The following DMD variants were observed in gnomAD, a reference collection of about 807,000 sequenced individuals.
DMD encodes the protein mutant dystrophin.
Under a neutral mutation model 330.1 loss-of-function variants are expected in DMD, and 63 were observed. The ratio of observed to expected loss-of-function variants is 0.19; its 90% CI spans 0.16 to 0.24. The LOEUF (loss-of-function observed/expected upper bound fraction) is 0.24. DMD is among the 10% of genes least tolerant of loss of function. The pLI is 1.00. For missense variants in DMD, 3,344 were observed against 2,684.1 expected (o/e 1.25, Z -5.43); for synonymous variants, 1,223 against 959.8 (o/e 1.27, Z -5.07).
intron 44 of DMD, among the ~76,000 whole-genome samples, chrX:32,156,039 T>C (rs1488709012): frequency 1.8e-5 from 2 of 109,563 alleles, no homozygotes; most frequent in Non-Finnish European, 3.8e-5. Context: ...ATGATAAATA[T>C]ACATTATATC....
At chrX:31,588,355 A>T (rs1020589325) in intron 55 of DMD, among the ~76,000 whole-genome samples, 1 of 111,087 alleles carries the variant, frequency 9.0e-6, no homozygotes, top group African/African-American at 3.3e-5. Context: ...TACCTTCTTC[A>T]TCTAACTGTT....
intron 55 of DMD, chrX:31,508,163 G>A (rs1644793418): frequency 2.8e-6 from 3 of 1,064,659 alleles, no homozygotes; most frequent in Non-Finnish European, 3.9e-6. Flanking sequence ...AACTTCACTT[G>A]TATACACACA....
intron 30 of DMD, among the ~76,000 whole-genome samples, chrX:32,406,261 T>C (rs372077870): frequency 1.3e-4 from 15 of 111,512 alleles, no homozygotes; most frequent in East Asian, 8.5e-4. Context: ...TCCTGCCTAA[T>C]TGCCCTGGCC....
intron 2 of DMD, among the ~76,000 whole-genome samples, chrX:32,949,375 TAGATAGATAGATAGATAGACAGACAGAC>T (rs1428228967): frequency 1.0e-5 from 1 of 97,468 alleles, no homozygotes; most frequent in African/African-American, 4.1e-5. Flanking sequence ...GATAGATAGA[TAGATAGATAGATAGATAGACAGACAGAC>T]AGACAGACAG....
intron 51 of DMD, among the ~76,000 whole-genome samples, chrX:31,753,759 C>T (rs1418109858): frequency 9.0e-6 from 1 of 111,695 alleles, no homozygotes; most frequent in African/African-American, 3.2e-5. Context: ...AAATTCTACA[C>T]AATTCCTGTA....
At chrX:32,528,327 A>T (rs2047117458) in intron 17 of DMD, among the ~76,000 whole-genome samples, 1 of 111,511 alleles carries the variant, frequency 9.0e-6, no homozygotes, top group Non-Finnish European at 1.9e-5. Flanking sequence ...AAAAAAAATA[A>T]CATAGCTATA....
At chrX:33,033,554 CA>C (rs775790760) in intron 1 of DMD, among the ~76,000 whole-genome samples, 4,465 of 74,456 alleles carry the variant, frequency 0.06, 440 homozygotes, top group African/African-American at 0.23. Flanking sequence ...ACTAAAAATA[CA>C]AAAAAAAAAA....
intron 1 of DMD, among the ~76,000 whole-genome samples, chrX:33,224,930 T>C (rs775677758): frequency 4.5e-5 from 5 of 111,669 alleles, no homozygotes; most frequent in African/African-American, 1.3e-4. Context: ...ATAATGAACA[T>C]ATGGACATGG....
At chrX:32,857,183 G>A (rs2081645361) in intron 2 of DMD, among the ~76,000 whole-genome samples, 1 of 112,129 alleles carries the variant, frequency 8.9e-6, no homozygotes, top group Non-Finnish European at 1.9e-5. Context: ...TCGCATGCCT[G>A]TATCAATATA....
chrX:32,129,972 C>T (rs1278133193), intron 44 of DMD, among the ~76,000 whole-genome samples: 3 of 106,150 alleles, frequency 2.8e-5, no homozygotes, highest in African/African-American at 1.0e-4. Flanking sequence ...TCTCATTTTT[C>T]AAAGACTTTT....
chrX:31,368,839 T>C (rs754433759), intron 60 of DMD, among the ~76,000 whole-genome samples: 17 of 110,833 alleles, frequency 1.5e-4, no homozygotes, highest in Non-Finnish European at 2.5e-4. Context: ...AGAGACAGGG[T>C]TTCACCATGT....
At chrX:33,062,657 A>G (rs1008966724) in intron 1 of DMD, among the ~76,000 whole-genome samples, 4 of 110,192 alleles carry the variant, frequency 3.6e-5, no homozygotes, top group African/African-American at 1.3e-4. Context: ...TTGTATTTTT[A>G]GTAGAGATGG....
intron 1 of DMD, among the ~76,000 whole-genome samples, chrX:33,082,682 C>T (rs1258481095): frequency 8.9e-6 from 1 of 112,193 alleles, no homozygotes; most frequent in Non-Finnish European, 1.9e-5. Context: ...ATGACATGAA[C>T]CCCAAAATTC....
chrX:33,290,833 TA>T (rs2053500870), intron 1 of DMD, among the ~76,000 whole-genome samples: 1 of 111,329 alleles, frequency 9.0e-6, no homozygotes, highest in Non-Finnish European at 1.9e-5. Flanking sequence ...CCTTCATCCT[TA>T]AAAAAGAAAA....
intron 11 of DMD, among the ~76,000 whole-genome samples, chrX:32,634,569 C>T (rs752496161): frequency 4.5e-5 from 5 of 111,702 alleles, no homozygotes; most frequent in East Asian, 2.8e-4. Context: ...TCTGCCAGGA[C>T]GGGGTCCTTC....
intron 60 of DMD, among the ~76,000 whole-genome samples, chrX:31,443,545 ATT>A (rs59880042): frequency 7.8e-5 from 8 of 102,088 alleles, no homozygotes; most frequent in Non-Finnish European, 4.0e-5. Flanking sequence ...TTATTATCGC[ATT>A]TTTTTTTTTT....
chrX:33,053,287 G>A (rs1456162300), intron 1 of DMD, among the ~76,000 whole-genome samples: 1 of 111,530 alleles, frequency 9.0e-6, no homozygotes, highest in Non-Finnish European at 1.9e-5. Context: ...AAAGTGGTTT[G>A]ATGTATGTTA....
chrX:31,592,927 G>T (rs757428855), intron 55 of DMD, among the ~76,000 whole-genome samples: 2 of 111,175 alleles, frequency 1.8e-5, no homozygotes, highest in African/African-American at 3.3e-5. Context: ...GATCAAAGAA[G>T]TGTGTACATG....
chrX:31,333,407 CTTTTTTTTTTTTT>C (rs145925904), intron 61 of DMD, among the ~76,000 whole-genome samples: 5 of 39,336 alleles, frequency 1.3e-4, no homozygotes, highest in African/African-American at 5.2e-4. Flanking sequence ...CTGCCCCCGC[CTTTTTTTTTTTTT>C]TTTTTTTTTT....
Sources: gnomAD v4.1 joint callset for allele counts (sites outside exome capture counted in the v4.1 genomes callset) on GRCh38, gnomAD v4.1.1 for gene constraint, MANE v1.5 for transcripts, NCBI Gene and HGNC (gene_info 2026-07-23, HGNC 2026-07-21) for gene names.